KIAA1549L: variants seen among roughly 807,000 people sequenced by gnomAD.
The protein encoded by KIAA1549L is KIAA1549 like, also known as UPF0606 protein KIAA1549L.
In KIAA1549L, 88 loss-of-function variants were observed where a neutral mutation model predicts 160.7. The ratio of observed to expected loss-of-function variants is 0.55; its 90% CI spans 0.46 to 0.65. The LOEUF is 0.65. Ranked by LOEUF, KIAA1549L falls within the 30% of genes least tolerant of loss-of-function variation. The pLI, the probability that KIAA1549L is intolerant of heterozygous loss-of-function variation, is 0.00. For missense variants in KIAA1549L, 2,258 were observed against 2,437.5 expected (o/e 0.93, Z 1.55); for synonymous variants, 950 against 976.7 (o/e 0.97, Z 0.51).
intron 18 of KIAA1549L, 71 bp from the exon 19 acceptor site, chr11:33,658,679 C>G: frequency 6.7e-7 from 1 of 1,482,404 alleles, no homozygotes; most frequent in Non-Finnish European, 9.2e-7. Context: ...GGTGACGGGG[C>G]GCACTCCTCC....
intron 9 of KIAA1549L, among the ~76,000 whole-genome samples, chr11:33,570,231 T>C (rs1231546952): frequency 2.0e-5 from 3 of 152,136 alleles, no homozygotes; most frequent in Admixed American, 2.0e-4. Context: ...CTCAAACTCC[T>C]GACCTCATGA....
intron 13 of KIAA1549L, among the ~76,000 whole-genome samples, 159 bp from the exon 14 acceptor site, chr11:33,606,482 G>A (rs1386251844): frequency 6.6e-5 from 10 of 152,172 alleles, no homozygotes; most frequent in African/African-American, 1.9e-4. Context: ...AAGGAAAACC[G>A]CTAGCAGTAG....
At chr11:33,607,406 G>T (rs946161660) in intron 14 of KIAA1549L, among the ~76,000 whole-genome samples, 6 of 152,140 alleles carry the variant, frequency 3.9e-5, no homozygotes, top group African/African-American at 1.2e-4. Context: ...ATAGAGTGAT[G>T]ATTTCATCAA....
intron 1 of KIAA1549L, among the ~76,000 whole-genome samples, chr11:33,409,609 G>T (rs981640482): frequency 1.3e-5 from 2 of 152,050 alleles, no homozygotes; most frequent in Admixed American, 6.6e-5. Flanking sequence ...CTAAATCAAG[G>T]TCATTCTGCT....
chr11:33,537,814 C>T (rs1478491644), intron 1 of KIAA1549L, among the ~76,000 whole-genome samples: 1 of 152,142 alleles, frequency 6.6e-6, no homozygotes, highest in Non-Finnish European at 1.5e-5. Flanking sequence ...CAGGCACAGA[C>T]ATGTCTTTGA....
At chr11:33,401,236 T>C (rs1315214265) in intron 1 of KIAA1549L, among the ~76,000 whole-genome samples, 1 of 147,910 alleles carries the variant, frequency 6.8e-6, no homozygotes, top group East Asian at 1.9e-4. Context: ...GTATTATATA[T>C]TAATATAGTA....
chr11:33,428,357 GGTTT>G (rs1851162889), intron 1 of KIAA1549L, among the ~76,000 whole-genome samples: 2 of 151,602 alleles, frequency 1.3e-5, no homozygotes, highest in African/African-American at 2.4e-5. Context: ...ACAACGTGCA[GGTTT>G]GTTACATATG....
chr11:33,632,987 G>A (rs1317714687), intron 16 of KIAA1549L, among the ~76,000 whole-genome samples: 1 of 150,452 alleles, frequency 6.6e-6, no homozygotes, highest in African/African-American at 2.5e-5. Context: ...GTTGTTGTTT[G>A]TTTTTGAGAC....
chr11:33,647,270 G>A (rs1470874874), intron 17 of KIAA1549L, among the ~76,000 whole-genome samples: 1 of 151,618 alleles, frequency 6.6e-6, no homozygotes, highest in Non-Finnish European at 1.5e-5. Flanking sequence ...CAACTTTTTG[G>A]GAGGCTGAGG....
At chr11:33,480,031 T>G (rs1852375527) in intron 1 of KIAA1549L, among the ~76,000 whole-genome samples, 1 of 151,714 alleles carries the variant, frequency 6.6e-6, no homozygotes, top group South Asian at 2.1e-4. Flanking sequence ...TGGAGGGAGG[T>G]TCATATTAAT....
At chr11:33,556,729 T>C (rs1854660000) in intron 6 of KIAA1549L, among the ~76,000 whole-genome samples, 1 of 151,918 alleles carries the variant, frequency 6.6e-6, no homozygotes, top group Non-Finnish European at 1.5e-5. Flanking sequence ...GAGGGAGAAA[T>C]TGGGAGTTGT....
chr11:33,405,857 A>G (rs1043503333), intron 1 of KIAA1549L, among the ~76,000 whole-genome samples: 3 of 151,598 alleles, frequency 2.0e-5, no homozygotes, highest in South Asian at 2.1e-4. Flanking sequence ...AAAAAAAAAA[A>G]AAAAAAGCAA....
intron 1 of KIAA1549L, among the ~76,000 whole-genome samples, chr11:33,437,789 G>C (rs568236016): frequency 4.6e-5 from 7 of 152,158 alleles, no homozygotes; most frequent in Non-Finnish European, 1.0e-4. Flanking sequence ...CTATTTACTA[G>C]GATTCTTGTC....
At position 33,609,830 on chromosome 11, in the gene KIAA1549L, T is replaced by C. The variant is rs554792436; in HGVS notation, c.5143T>C (p.Tyr1715His). 23 of 1,613,886 alleles carry C rather than the reference T, an allele frequency of 1.4e-5. No individual in the cohort carries two copies. In the East Asian group the frequency reaches 4.7e-4, roughly 33 times the overall value. Reference protein sequence around the residue: ...LRLKAKRKGYYDFPAVETSKG... With the variant: ...LRLKAKRKGYHDFPAVETSKG... Reference sequence around the variant, plus strand: ...CCTCAAAGCCAAGAGGAAGGGATATTACGACTTCCCTGCAGTGGAGACGAG... The same window carrying C: ...CCTCAAAGCCAAGAGGAAGGGATATCACGACTTCCCTGCAGTGGAGACGAG... Residue 1715 changes from tyrosine to histidine, a missense_variant, in exon 15 of 21, where the codon TAC becomes CAC. By Grantham distance (83) the Tyr-to-His change is moderately conservative. Transcript: ENST00000658780.
chr11:33,639,687 G>T (rs1304159261), intron 16 of KIAA1549L, among the ~76,000 whole-genome samples: 1 of 152,084 alleles, frequency 6.6e-6, no homozygotes, highest in Admixed American at 6.5e-5. Context: ...TCACAGGCGC[G>T]CGCTACCTCG....
At chr11:33,383,928 C>T (rs1410617109) in intron 1 of KIAA1549L, among the ~76,000 whole-genome samples, 2 of 152,208 alleles carry the variant, frequency 1.3e-5, no homozygotes, top group Non-Finnish European at 2.9e-5. Context: ...AAAGAGAACA[C>T]ACTCATCAGC....
chr11:33,455,117 AAAC>A (rs1851796649), intron 1 of KIAA1549L, among the ~76,000 whole-genome samples: 1 of 152,158 alleles, frequency 6.6e-6, no homozygotes, highest in Non-Finnish European at 1.5e-5. Context: ...AAACAAAAAC[AAAC>A]AACAACAAAA....
chr11:33,455,678 T>C (rs1382775921), intron 1 of KIAA1549L, among the ~76,000 whole-genome samples: 1 of 152,192 alleles, frequency 6.6e-6, no homozygotes, highest in South Asian at 2.1e-4. Flanking sequence ...CCAGAAAAAT[T>C]ATCTGAAAAC....
chr11:33,465,243 C>T lies in KIAA1549L; in HGVS notation c.239-76559C>T, dbSNP rs1297636774. On this transcript the variant is annotated intron_variant, in intron 1 of 20. Coordinates refer to ENST00000658780, the MANE Select transcript of KIAA1549L (RefSeq NM_012194.3). The stretch of plus-strand genomic sequence containing the variant: ...TGCTATTTTGTATTTTTAGTGGAGA[C>T]GGGGTTCACCATGTTAGCCAGGCTA... Among the ~76,000 whole-genome samples the T allele has an allele frequency of 5.3e-5, 8 of 151,848 alleles. No individual in the cohort carries two copies. In the South Asian group the frequency reaches 6.2e-4, roughly 12 times the overall value.
Sources: gnomAD v4.1 joint callset for allele counts (sites outside exome capture counted in the v4.1 genomes callset) on GRCh38, gnomAD v4.1.1 for gene constraint, MANE v1.5 for transcripts, NCBI Gene and HGNC (gene_info 2026-07-23, HGNC 2026-07-21) for gene names.